Variants in WDFY4 observed in about 807,000 individuals in gnomAD.
WDFY4 encodes the protein WDFY family member 4, also known as WD repeat- and FYVE domain-containing protein 4.
A neutral mutation model predicts 351.9 loss-of-function variants in WDFY4; 169 were observed. That is an observed-to-expected ratio of 0.48 (90% CI 0.42 to 0.55). WDFY4 has a LOEUF of 0.55. Ranked by LOEUF, WDFY4 falls within the 20% of genes least tolerant of loss-of-function variation. The pLI is 0.00. For missense variants in WDFY4, 3,803 were observed against 3,935.6 expected, an observed-to-expected ratio of 0.97 and a Z score of 0.90; for synonymous variants, 1,622 against 1,574.6, an observed-to-expected ratio of 1.03 and a Z score of -0.71.
At chr10:48,822,571 G>A in intron 35 of WDFY4, 34 bp downstream of exon 35, 1 of 1,473,106 alleles carries the variant, frequency 6.8e-7, no homozygotes, top group Non-Finnish European at 9.1e-7. Flanking sequence ...TATCTGTGTG[G>A]ATCTGAATGA....
chr10:48,786,742 A>G lies in WDFY4; in HGVS notation c.3680A>G (p.Lys1227Arg). The G allele has an allele frequency of 1.9e-6, 3 of 1,552,382 alleles. No individual in the cohort carries two copies. Among genetic ancestry groups the G allele is most frequent in the Non-Finnish European group, 2.6e-6 (3 of 1,147,134 alleles). ...GCTACTCCTCGAGTCTGGAAACAAA[A>G]GTCTTCATTAATCTGGCGTCTTGGC... ...YIATPRVWKQ[K>R]SSLIWRLGPT... The change falls in exon 20 of 62, where the codon AAG (lysine) becomes AGG (arginine). Residue 1227 changes from lysine (K) to arginine (R), a missense_variant. Transcript: ENST00000325239.
In WDFY4 at chr10:48,978,230, TG is replaced by T; in HGVS notation, c.9292-78del. 4 of 1,434,660 alleles carry T rather than the reference TG, an allele frequency of 2.8e-6. No individual in the cohort carries two copies. In the East Asian group the frequency reaches 7.6e-5, roughly 27 times the overall value. 88.9% of individuals were successfully genotyped at this position (1,434,660 alleles called of 1,614,324 possible). A position where few individuals can be genotyped will look rare whatever the true frequency, so the allele number is the denominator to read the frequency against. ...CCTTTCCCTGGGGGACCCCTAGGCG[TG>T]AGGAAATGGACTAGGCCACTCCAAG... is the stretch of plus-strand genomic sequence containing the variant. On this transcript the variant is annotated intron_variant, in intron 59 of 61. Transcript: ENST00000325239.
chr10:48,759,142 T>G (rs901874739), intron 12 of WDFY4, among the ~76,000 whole-genome samples: 7 of 152,136 alleles, frequency 4.6e-5, no homozygotes, highest in Non-Finnish European at 1.0e-4. Context: ...CAGTTCAGTT[T>G]TCAAAGACTG....
At chr10:48,874,560 A>T (rs1243269157) in intron 41 of WDFY4, among the ~76,000 whole-genome samples, 1 of 152,198 alleles carries the variant, frequency 6.6e-6, no homozygotes, top group African/African-American at 2.4e-5. Flanking sequence ...TCATTTATTC[A>T]GTAGATACTT....
intron 1 of WDFY4, among the ~76,000 whole-genome samples, chr10:48,702,493 C>G (rs924072403): frequency 1.3e-5 from 2 of 152,116 alleles, no homozygotes; most frequent in Admixed American, 6.5e-5. Context: ...TGGGTAGCCT[C>G]TTGGGGTTGG....
chr10:48,686,205 G>A lies in WDFY4; in HGVS notation c.-18+1204G>A, dbSNP rs142971266. 4.0e-3 allele frequency among the ~76,000 whole-genome samples: 612 copies of A among 151,828 alleles called. 3 individuals are homozygous for A. Among genetic ancestry groups the A allele is most frequent in the African/African-American group, 0.014 (586 of 41,390 alleles). ...TGAAAGAAAAGAAAATTTCGGCCAG[G>A]CGCAGTGGTTCACGCCTGTAATCTC... On this transcript the variant is annotated intron_variant, in intron 1 of 61. Transcript: ENST00000325239.
At chr10:48,982,061 T>C (rs1393449070) in intron 61 of WDFY4, among the ~76,000 whole-genome samples, 1 of 152,178 alleles carries the variant, frequency 6.6e-6, no homozygotes, top group Non-Finnish European at 1.5e-5. Context: ...CGTGGGCTGT[T>C]CCGGGGTCCT....
intron 19 of WDFY4, among the ~76,000 whole-genome samples, chr10:48,780,832 A>G (rs769211669): frequency 6.6e-6 from 1 of 152,206 alleles, no homozygotes; most frequent in African/African-American, 2.4e-5. Context: ...TCACCTGCAA[A>G]GGCTTTTTAA....
rs187411040 is a variant in WDFY4 at position 48,982,747 on chromosome 10, G to A, written c.*172G>A. 4.0e-4 allele frequency: 265 copies of A among 657,888 alleles called. No individual in the cohort carries two copies. Among genetic ancestry groups the A allele is most frequent in the Admixed American group, 1.5e-3 (69 of 46,980 alleles). 40.8% of individuals were successfully genotyped at this position (657,888 alleles called of 1,614,324 possible). Reference sequence around the variant, plus strand: ...CTGCAGCCCAACCCTCTCCATGGCCGATGGGACTTCTATGAAAAGGATGAG... The same window carrying A: ...CTGCAGCCCAACCCTCTCCATGGCCAATGGGACTTCTATGAAAAGGATGAG... On this transcript the variant is annotated 3_prime_UTR_variant, in exon 62 of 62. Coordinates refer to ENST00000325239, the MANE Select transcript of WDFY4 (RefSeq NM_001394531.1).
Position 48,963,895 on chromosome 10 carries a change from T to C in WDFY4, c.8277T>C (p.Ile2759=). 1 of 1,551,582 alleles carries C rather than the reference T, an allele frequency of 6.4e-7. No homozygotes were observed. Among genetic ancestry groups the C allele is most frequent in the Non-Finnish European group, 8.7e-7 (1 of 1,147,002 alleles). Residue 2759 remains isoleucine, a synonymous_variant, in exon 54 of 62, where the codon ATT becomes ATC. Transcript: ENST00000325239. Reference sequence around the variant, plus strand: ...ACCTCCACCATTGGATAGACCTTATTTTTGGGTACAAGCAGCAGGGGCCAG... The same window carrying C: ...ACCTCCACCATTGGATAGACCTTATCTTTGGGTACAAGCAGCAGGGGCCAG... ...SANLHHWIDL[I]FGYKQQGPAA...
chr10:48,839,099 C>T (rs1233502584), intron 39 of WDFY4, among the ~76,000 whole-genome samples: 1 of 152,166 alleles, frequency 6.6e-6, no homozygotes, highest in Non-Finnish European at 1.5e-5. Context: ...CAGGCACAGG[C>T]CTCAGATTTC....
Position 48,913,869 on chromosome 10 carries a change from G to A in WDFY4, c.7586+12006G>A, listed in dbSNP as rs762718344. 32 of 1,614,002 alleles carry A rather than the reference G, an allele frequency of 2.0e-5. No homozygotes were observed. The highest frequency in any genetic ancestry group is 1.6e-4 in the Middle Eastern group (1 of 6,084). The stretch of plus-strand genomic sequence containing the variant: ...GCTGACGTTGAGGTAGAGCAGGCTG[G>A]TCATCTGGCCAATGGACTCAGGCAG... On this transcript the variant is annotated intron_variant, in intron 47 of 61. Transcript: ENST00000325239.
Position 48,969,095 on chromosome 10 carries a change from C to T in WDFY4, c.8616C>T (p.Ser2872=), listed in dbSNP as rs1842220322. ...DMYLFSLGSE[S]PKGAIGHIVS... ...ACCTCTTTTCTCTAGGCTCAGAGTC[C>T]CCCAAAGGGGCCATTGGCCACATTG... is the stretch of plus-strand genomic sequence containing the variant. Residue 2872 remains serine (S), a synonymous_variant, in exon 56 of 62, where the codon TCC becomes TCT. Coordinates refer to ENST00000325239, the MANE Select transcript of WDFY4 (RefSeq NM_001394531.1). The T allele has an allele frequency of 6.4e-7, 1 of 1,551,790 alleles. No individual in the cohort carries two copies. Among genetic ancestry groups the T allele is most frequent in the Non-Finnish European group, 8.7e-7 (1 of 1,146,954 alleles).
chr10:48,733,809 C>A, intron 9 of WDFY4, 122 bp from the exon 10 acceptor site: 2 of 845,044 alleles, frequency 2.4e-6, no homozygotes. Context: ...GGGATACACA[C>A]TCCCTTATGA....
intron 20 of WDFY4, 70 bp from the exon 21 acceptor site, chr10:48,788,460 A>C: frequency 6.7e-7 from 1 of 1,489,422 alleles, no homozygotes; most frequent in South Asian, 1.3e-5. Context: ...CAGAGATATT[A>C]AATTGTATGA....
intron 47 of WDFY4, among the ~76,000 whole-genome samples, chr10:48,903,388 TG>T (rs1407050057): frequency 6.6e-6 from 1 of 151,922 alleles, no homozygotes; most frequent in African/African-American, 2.4e-5. Context: ...TAGACTGGAG[TG>T]GGTCAAAGGC....
At chr10:48,787,915 CT>C (rs2066511704) in intron 20 of WDFY4, among the ~76,000 whole-genome samples, 1 of 53,884 alleles carries the variant, frequency 1.9e-5, no homozygotes, top group Non-Finnish European at 3.4e-5. Flanking sequence ...TCTTCTTCTT[CT>C]TCTTCTTCTT....
At chr10:48,713,179 A>G (rs1218788103) in intron 2 of WDFY4, among the ~76,000 whole-genome samples, 1 of 152,080 alleles carries the variant, frequency 6.6e-6, no homozygotes, top group Non-Finnish European at 1.5e-5. Flanking sequence ...GCGGTGATCT[A>G]TGTTGTAGTT....
At chr10:48,950,350 T>C (rs1841262596) in intron 51 of WDFY4, among the ~76,000 whole-genome samples, 1 of 152,244 alleles carries the variant, frequency 6.6e-6, no homozygotes, top group Non-Finnish European at 1.5e-5. Context: ...TCAAGGTTCA[T>C]CCATTGTTGC....
Sources: allele counts gnomAD v4.1 joint callset (sites outside exome capture counted in the v4.1 genomes callset), GRCh38; gene constraint gnomAD v4.1.1; transcripts MANE v1.5; gene names NCBI Gene and HGNC (gene_info 2026-07-23, HGNC 2026-07-21).